Variants in ARL14EP observed in about 807,000 individuals in gnomAD.
The protein encoded by ARL14EP is ARL14 effector protein.
A neutral mutation model predicts 23.1 loss-of-function variants in ARL14EP; 12 were observed. The observed-to-expected ratio is 0.52, with a 90% CI of 0.33 to 0.84. ARL14EP has a LOEUF of 0.84. Among genes scored for constraint, ARL14EP ranks in the 40% least tolerant of loss-of-function variants. The pLI, the probability that ARL14EP is intolerant of heterozygous loss-of-function variation, is 0.02. For missense variants in ARL14EP, 253 were observed against 307.3 expected (o/e 0.82, Z 1.32); for synonymous variants, 97 against 102.0 (o/e 0.95, Z 0.29).
Position 30,338,195 on chromosome 11 carries a change from C to G in ARL14EP, c.*1400C>G, listed in dbSNP as rs932799716. ...CTGAAATATATTTCTCTTCTCCCCA[C>G]TTATTCAAATAAAAAAGTTTTAATA... On this transcript the variant is annotated 3_prime_UTR_variant, in exon 4 of 4. Coordinates refer to ENST00000282032, the MANE Select transcript of ARL14EP (RefSeq NM_152316.3). 7 of 152,206 alleles carry G rather than the reference C, an allele frequency of 4.6e-5. No homozygotes were observed. The highest frequency in any genetic ancestry group is 1.7e-4 in the African/African-American group (7 of 41,460). The allele number at this position is 152,206 out of a possible 1,614,324, so 9.4% of individuals were successfully genotyped here.
chr11:30,331,518 C>T, intron 2 of ARL14EP, 144 bp downstream of exon 2: 1 of 1,489,032 alleles, frequency 6.7e-7, no homozygotes, highest in African/African-American at 1.4e-5. Context: ...GATGATGTTT[C>T]TAAATATTAT....
At chr11:30,334,401 G>A (rs1947315407) in intron 3 of ARL14EP, among the ~76,000 whole-genome samples, 1 of 151,770 alleles carries the variant, frequency 6.6e-6, no homozygotes, top group Non-Finnish European at 1.5e-5. Context: ...ATTTTTAGTA[G>A]AGACGGGTTT....
Position 30,337,950 on chromosome 11 carries a change from A to G in ARL14EP, c.*1155A>G, listed in dbSNP as rs1947347089. ...TTCTACATTTATAACTGGTCTTAAG[A>G]GTTTTTAATATTTGAGCAGAACCTT... On this transcript the variant is annotated 3_prime_UTR_variant, in exon 4 of 4. Coordinates refer to ENST00000282032, the MANE Select transcript of ARL14EP (RefSeq NM_152316.3). 6.6e-6 allele frequency: 1 copy of G among 152,166 alleles called. No individual in the cohort carries two copies. Among genetic ancestry groups the G allele is most frequent in the Non-Finnish European group, 1.5e-5 (1 of 68,034 alleles). 9.4% of individuals were successfully genotyped at this position (152,166 alleles called of 1,614,324 possible). A position where few individuals can be genotyped will look rare whatever the true frequency, so the allele number is the denominator to read the frequency against.
intron 3 of ARL14EP, among the ~76,000 whole-genome samples, chr11:30,336,335 A>G (rs1478077126): frequency 6.7e-6 from 1 of 149,132 alleles, no homozygotes; most frequent in South Asian, 2.2e-4. Flanking sequence ...CAAGAAGCGT[A>G]TTCAGAATTT....
rs1003791564 is a variant in ARL14EP, at chr11:30,327,049, T to C, written c.-63-3837T>C. On this transcript the variant is annotated intron_variant, in intron 1 of 3. Transcript: ENST00000282032. The stretch of plus-strand genomic sequence containing the variant: ...TTTGCCAAGTCTGGTGACCCCATTT[T>C]CTGCATCCAGTAAGTAGAGATCTTT... Among the ~76,000 whole-genome samples, 3 of 152,220 alleles carry C rather than the reference T, an allele frequency of 2.0e-5. No homozygotes were observed. In the South Asian group the frequency reaches 6.2e-4, roughly 31 times the overall value.
chr11:30,332,760 A>T (rs1947295442), intron 2 of ARL14EP, 106 bp from the exon 3 acceptor site: 1 of 1,408,902 alleles, frequency 7.1e-7, no homozygotes, highest in Admixed American at 1.9e-5. Context: ...TGTGTGTTCC[A>T]GACTGTCTTC....
intron 3 of ARL14EP, among the ~76,000 whole-genome samples, chr11:30,335,972 A>G (rs748607995): frequency 6.6e-6 from 1 of 152,176 alleles, no homozygotes; most frequent in Non-Finnish European, 1.5e-5. Context: ...CTGTATAGTC[A>G]ACATAATGAA....
chr11:30,336,910 G>A lies in ARL14EP; in HGVS notation c.*115G>A, dbSNP rs1947337698. 3.0e-6 allele frequency: 3 copies of A among 995,308 alleles called. No homozygotes were observed. Among genetic ancestry groups the A allele is most frequent in the Admixed American group, 2.1e-5 (1 of 48,052 alleles). The allele number at this position is 995,308 out of a possible 1,614,324, so 61.7% of individuals were successfully genotyped here. A position where few individuals can be genotyped will look rare whatever the true frequency, so the allele number is the denominator to read the frequency against. On this transcript the variant is annotated 3_prime_UTR_variant, in exon 4 of 4. Coordinates refer to ENST00000282032, the MANE Select transcript of ARL14EP (RefSeq NM_152316.3). The stretch of plus-strand genomic sequence containing the variant: ...ACAAAGATTTTAAAACCATCTCAGT[G>A]TGCCCTAATTTTTCATCTTGGGTGC...
Position 30,336,589 on chromosome 11 carries a change from A to T in ARL14EP, c.577A>T (p.Lys193Ter). 6.2e-7 allele frequency: 1 copy of T among 1,613,850 alleles called. No homozygotes were observed. Among genetic ancestry groups the T allele is most frequent in the Non-Finnish European group, 8.5e-7 (1 of 1,179,778 alleles). The change falls in exon 4 of 4, where the codon AAG becomes TAG. Residue 193 changes from lysine (K) to a stop codon, truncating the protein, a stop_gained. Transcript: ENST00000282032. LOFTEE classifies it high-confidence loss of function. ...CAGACAAGTGATACCAGCAAAGAGT[A>T]AGGTCTATGATAGCCAGGGTCTCCT... ...SDRQVIPAKS[K>*]VYDSQGLLIF... is the part of the protein sequence containing the mutation.
chr11:30,323,380 A>G (rs1947210425), intron 1 of ARL14EP, among the ~76,000 whole-genome samples, 178 bp downstream of exon 1: 1 of 152,138 alleles, frequency 6.6e-6, no homozygotes, highest in Non-Finnish European at 1.5e-5. Flanking sequence ...ACCCCCGCGT[A>G]GTTCATCTGC....
At chr11:30,331,446 T>A in intron 2 of ARL14EP, 72 bp downstream of exon 2, 1 of 1,600,364 alleles carries the variant, frequency 6.2e-7, no homozygotes, top group Non-Finnish European at 8.5e-7. Context: ...TATAAGAAAA[T>A]CATATTTACA....
chr11:30,337,442 G>C lies in ARL14EP; in HGVS notation c.*647G>C, dbSNP rs1947342665. On this transcript the variant is annotated 3_prime_UTR_variant, in exon 4 of 4. Coordinates refer to ENST00000282032, the MANE Select transcript of ARL14EP (RefSeq NM_152316.3). Reference sequence around the variant, plus strand: ...TCAACAAAGATGAAAGTGCAGCAAAGCAATGAAAAATGATAACACTGGAAG... The same window carrying C: ...TCAACAAAGATGAAAGTGCAGCAAACCAATGAAAAATGATAACACTGGAAG... 6.6e-6 allele frequency: 1 copy of C among 152,256 alleles called. No homozygotes were observed. Among genetic ancestry groups the C allele is most frequent in the Admixed American group, 6.5e-5 (1 of 15,286 alleles). The allele number at this position is 152,256 out of a possible 1,614,324, so 9.4% of individuals were successfully genotyped here. A position where few individuals can be genotyped will look rare whatever the true frequency, so the allele number is the denominator to read the frequency against.
At chr11:30,330,751 T>G (rs1947275553) in intron 1 of ARL14EP, 135 bp from the exon 2 acceptor site, 1 of 573,770 alleles carries the variant, frequency 1.7e-6, no homozygotes, top group African/African-American at 1.9e-5. Flanking sequence ...ATTAAATGTC[T>G]ATTATAAGAC....
intron 2 of ARL14EP, 154 bp downstream of exon 2, chr11:30,331,528 T>C: frequency 6.8e-7 from 1 of 1,477,630 alleles, no homozygotes; most frequent in Non-Finnish European, 8.9e-7. Context: ...CTAAATATTA[T>C]TCACATATAC....
In ARL14EP at chr11:30,337,405, CGAAA is replaced by C. The variant is rs1947342283; in HGVS notation, c.*614_*617del. 1 of 152,476 alleles carries C rather than the reference CGAAA, an allele frequency of 6.6e-6. No individual in the cohort carries two copies. The highest frequency in any genetic ancestry group is 2.4e-5 in the African/African-American group (1 of 41,488). 9.4% of individuals were successfully genotyped at this position (152,476 alleles called of 1,614,324 possible). ...TTGACATTCTATAGAAGTGAACACT[CGAAA>C]GAACTGGTCAACAAAGATGAAAGTG... On this transcript the variant is annotated 3_prime_UTR_variant, in exon 4 of 4. Transcript: ENST00000282032.
At chr11:30,334,208 CTTTT>C (rs36111177) in intron 3 of ARL14EP, among the ~76,000 whole-genome samples, 64 of 86,022 alleles carry the variant, frequency 7.4e-4, no homozygotes, top group African/African-American at 1.9e-3. Context: ...GACCAGCCTT[CTTTT>C]TTTTTTTTTT....
At chr11:30,331,514 GTTTC>G in intron 2 of ARL14EP, 140 bp downstream of exon 2, 1 of 1,493,910 alleles carries the variant, frequency 6.7e-7, no homozygotes, top group East Asian at 2.5e-5. Context: ...AGTGGATGAT[GTTTC>G]TAAATATTAT....
At chr11:30,332,402 C>T (rs139619957) in intron 2 of ARL14EP, among the ~76,000 whole-genome samples, 5 of 151,860 alleles carry the variant, frequency 3.3e-5, no homozygotes, top group African/African-American at 7.2e-5. Context: ...CCTTAAACAC[C>T]GAAATTTTGT....
intron 2 of ARL14EP, 49 bp from the exon 3 acceptor site, chr11:30,332,817 G>A (rs1472375328): frequency 6.2e-7 from 1 of 1,600,300 alleles, no homozygotes; most frequent in Admixed American, 1.7e-5. Flanking sequence ...ATGTTAATCT[G>A]TTGTCTGTTG....
Sources: allele counts gnomAD v4.1 joint callset (sites outside exome capture counted in the v4.1 genomes callset), GRCh38; gene constraint gnomAD v4.1.1; transcripts MANE v1.5; gene names NCBI Gene and HGNC (gene_info 2026-07-23, HGNC 2026-07-21).